The following FOXP2 variants were observed in gnomAD, a reference collection of about 807,000 sequenced individuals.
FOXP2 encodes the protein forkhead box protein P2.
In FOXP2, 12 loss-of-function variants were observed where a neutral mutation model predicts 115.8. The observed-to-expected ratio is 0.10, with a 90% confidence interval of 0.07 to 0.17. FOXP2 has a LOEUF of 0.17. FOXP2 is among the 10% of genes least tolerant of loss of function. FOXP2 has a pLI of 1.00. For synonymous variants in FOXP2, 328 were observed against 297.7 expected (o/e 1.10, Z -1.05); for missense variants, 629 against 843.5 (o/e 0.75, Z 3.15).
At chr7:114,559,112 A>G (rs1195380203) in intron 3 of FOXP2, among the ~76,000 whole-genome samples, 1 of 152,084 alleles carries the variant, frequency 6.6e-6, no homozygotes, top group African/African-American at 2.4e-5. Context: ...GTCCATAAGT[A>G]CTCTGCAGGG....
chr7:114,253,351 A>G (rs1192979878), intron 1 of FOXP2, among the ~76,000 whole-genome samples: 2 of 151,942 alleles, frequency 1.3e-5, no homozygotes, highest in Non-Finnish European at 2.9e-5. Flanking sequence ...TATCCTTGTT[A>G]ACTTTCTGTC....
At chr7:114,260,955 G>A (rs555238877) in intron 1 of FOXP2, among the ~76,000 whole-genome samples, 3 of 152,172 alleles carry the variant, frequency 2.0e-5, no homozygotes, top group South Asian at 2.1e-4. Flanking sequence ...AGATGGTTTC[G>A]GTTTGGTACA....
intron 3 of FOXP2, among the ~76,000 whole-genome samples, chr7:114,607,855 G>T (rs893902766): frequency 1.3e-5 from 2 of 152,124 alleles, no homozygotes; most frequent in Non-Finnish European, 2.9e-5. Flanking sequence ...AAGATATGTA[G>T]AAAGGGAAAG....
intron 1 of FOXP2, among the ~76,000 whole-genome samples, chr7:114,178,741 A>G (rs1421638427): frequency 6.6e-6 from 1 of 151,802 alleles, no homozygotes; most frequent in Non-Finnish European, 1.5e-5. Flanking sequence ...ACGTGTTACT[A>G]TTTCTTTTTT....
chr7:114,297,701 C>T (rs1467109536), intron 2 of FOXP2, among the ~76,000 whole-genome samples: 1 of 152,064 alleles, frequency 6.6e-6, no homozygotes, highest in African/African-American at 2.4e-5. Flanking sequence ...TATTTTTCCT[C>T]CATGGGATTC....
intron 2 of FOXP2, among the ~76,000 whole-genome samples, chr7:114,441,183 C>T (rs1794586561): frequency 6.6e-6 from 1 of 152,036 alleles, no homozygotes; most frequent in South Asian, 2.1e-4. Flanking sequence ...TGTGGTGGCT[C>T]ACAGCTGTAA....
intron 2 of FOXP2, among the ~76,000 whole-genome samples, chr7:114,471,973 A>G: frequency 6.6e-6 from 1 of 152,088 alleles, no homozygotes. Context: ...AAAAAAAAAA[A>G]AAAAAGAAAG....
intron 2 of FOXP2, among the ~76,000 whole-genome samples, chr7:114,484,492 ATCT>A (rs571848778): frequency 1.3e-3 from 200 of 152,028 alleles, no homozygotes; most frequent in African/African-American, 4.4e-3. Flanking sequence ...ACAAATAAAA[ATCT>A]TCTTGATTTC....
upstream of FOXP2, among the ~76,000 whole-genome samples, chr7:114,087,540 G>C (rs1170858099): frequency 6.6e-6 from 1 of 151,632 alleles, no homozygotes; most frequent in African/African-American, 2.4e-5. Flanking sequence ...CTGTTACCTG[G>C]AAGTCCACAG....
At chr7:114,283,761 G>A (rs749434739) in intron 1 of FOXP2, among the ~76,000 whole-genome samples, 22 of 152,142 alleles carry the variant, frequency 1.4e-4, no homozygotes, top group African/African-American at 5.1e-4. Flanking sequence ...CCAGGAGGTC[G>A]AAACCAGCTT....
At chr7:114,111,636 A>G (rs1382258723) in intron 1 of FOXP2, among the ~76,000 whole-genome samples, 2 of 152,142 alleles carry the variant, frequency 1.3e-5, no homozygotes, top group Non-Finnish European at 1.5e-5. Flanking sequence ...CCTACTATCT[A>G]TGAAACACTG....
chr7:114,385,018 CTAT>C (rs1221977006), intron 2 of FOXP2, among the ~76,000 whole-genome samples: 2 of 151,442 alleles, frequency 1.3e-5, no homozygotes, highest in South Asian at 4.2e-4. Flanking sequence ...TTCTTTTTCT[CTAT>C]GACTCCCTCT....
At chr7:114,100,313 A>AT (rs1279165172) in intron 1 of FOXP2, among the ~76,000 whole-genome samples, 2 of 152,190 alleles carry the variant, frequency 1.3e-5, no homozygotes, top group Non-Finnish European at 2.9e-5. Flanking sequence ...TTTGCTAAAA[A>AT]TCCATATTTG....
In FOXP2 at chr7:114,333,690, C is replaced by A. The variant is rs145686220; in HGVS notation, c.-11+45581C>A. Among the ~76,000 whole-genome samples, 363 of 152,176 alleles carry A rather than the reference C, an allele frequency of 2.4e-3. 2 individuals carry two copies. Among genetic ancestry groups the A allele is most frequent in the African/African-American group, 8.4e-3 (349 of 41,532 alleles). ...TCATTTGAGGCCAGGAGTTTGAGAC[C>A]AGCTTGGCCAACATGGTGAAACCCC... On this transcript the variant is annotated intron_variant, in intron 2 of 17. Transcript: ENST00000634411.
In FOXP2 at chr7:114,457,821, C is replaced by G. The variant is rs557744844; in HGVS notation, c.168+31142C>G. ...GCTGAGGCAGGAGACTGGCGTGAACCCAGGAGGCAGAGCTCGCAGTGAGCC... is the reference window on the plus strand; with the variant it reads ...GCTGAGGCAGGAGACTGGCGTGAACGCAGGAGGCAGAGCTCGCAGTGAGCC... On this transcript the variant is annotated intron_variant, in intron 2 of 16. Coordinates refer to ENST00000350908, the MANE Select transcript of FOXP2 (RefSeq NM_014491.4). 1.5e-4 allele frequency among the ~76,000 whole-genome samples: 23 copies of G among 151,692 alleles called. No individual in the cohort carries two copies. In the East Asian group the frequency reaches 4.3e-3, roughly 28 times the overall value.
At chr7:114,639,284 C>T (rs1365301851) in intron 6 of FOXP2, among the ~76,000 whole-genome samples, 1 of 152,090 alleles carries the variant, frequency 6.6e-6, no homozygotes. Context: ...TTAAGAGTCA[C>T]AAAACTTCCA....
chr7:114,436,472 T>C (rs191933387), intron 2 of FOXP2, among the ~76,000 whole-genome samples: 154 of 151,574 alleles, frequency 1.0e-3, no homozygotes, highest in Non-Finnish European at 1.6e-3. Flanking sequence ...ATAATTAATG[T>C]AATTATTTTA....
intron 1 of FOXP2, among the ~76,000 whole-genome samples, chr7:114,130,460 G>A (rs562894789): frequency 4.6e-5 from 7 of 152,112 alleles, no homozygotes; most frequent in South Asian, 2.1e-4. Context: ...TTTTCTTTTC[G>A]TTTATGATTG....
intron 1 of FOXP2, among the ~76,000 whole-genome samples, chr7:114,231,713 A>G (rs1162725766): frequency 6.6e-6 from 1 of 152,212 alleles, no homozygotes; most frequent in Non-Finnish European, 1.5e-5. Flanking sequence ...CATAAACATC[A>G]ATTCACAATA....
Sources: gnomAD v4.1 joint callset for allele counts (sites outside exome capture counted in the v4.1 genomes callset) on GRCh38, gnomAD v4.1.1 for gene constraint, MANE v1.5 for transcripts, NCBI Gene and HGNC (gene_info 2026-07-23, HGNC 2026-07-21) for gene names.